Variants in SGK1 observed in about 807,000 individuals in gnomAD.
SGK1 encodes the protein serum/glucocorticoid regulated kinase 1, also known as serine/threonine-protein kinase Sgk1.
A neutral mutation model predicts 64.2 loss-of-function variants in SGK1; 26 were observed. That is an observed-to-expected ratio of 0.40 (90% CI 0.30 to 0.56). The LOEUF is 0.56. Among genes scored for constraint, SGK1 ranks in the 20% least tolerant of loss-of-function variants. The pLI is 0.38. For missense variants in SGK1, 519 were observed against 645.6 expected, an observed-to-expected ratio of 0.80 and a Z score of 2.12; for synonymous variants, 265 against 239.7, an observed-to-expected ratio of 1.11 and a Z score of -0.98.
intron 1 of SGK1, among the ~76,000 whole-genome samples, chr6:134,270,038 C>T (rs1454719306): frequency 6.8e-6 from 1 of 147,748 alleles, no homozygotes; most frequent in Non-Finnish European, 1.5e-5. Flanking sequence ...TCTCCTGCTT[C>T]AGCCTCCCGA....
Position 134,171,164 on chromosome 6 carries a change from G to C in SGK1, c.1182C>G (p.Ser394Arg). ...EMLYGLPPFY[S>R]RNTAEMYDNI... Reference sequence around the variant, plus strand: ...TGTCGTACATTTCAGCTGTGTTTCGGCTATAAAAAGGCGGCTGAAAGAAGG... The same window carrying C: ...TGTCGTACATTTCAGCTGTGTTTCGCCTATAAAAAGGCGGCTGAAAGAAGG... Residue 394 changes from serine to arginine, a missense_variant, in exon 12 of 14, where the codon AGC becomes AGG. Coordinates refer to ENST00000367858, the MANE Select transcript of SGK1 (RefSeq NM_001143676.3). The C allele has an allele frequency of 6.2e-7, 1 of 1,614,042 alleles. No individual in the cohort carries two copies. Among genetic ancestry groups the C allele is most frequent in the South Asian group, 1.1e-5 (1 of 91,060 alleles).
chr6:134,211,164 T>C (rs1775883504), intron 2 of SGK1, among the ~76,000 whole-genome samples: 1 of 152,084 alleles, frequency 6.6e-6, no homozygotes, highest in Admixed American at 6.6e-5. Context: ...TCTCATGTTA[T>C]GTGTTCTTTC....
chr6:134,266,831 C>T (rs1776861812), intron 1 of SGK1, among the ~76,000 whole-genome samples: 1 of 152,088 alleles, frequency 6.6e-6, no homozygotes, highest in Non-Finnish European at 1.5e-5. Context: ...TGTTTTTGAT[C>T]AGTCTAAAAA....
In SGK1 at chr6:134,265,503, CACATATATATTTTATATAT is replaced by C. The variant is rs1387767245; in HGVS notation, c.70-3374_70-3356del. On this transcript the variant is annotated intron_variant, in intron 1 of 13. Transcript: ENST00000367858. ...AACAAACAAAAAAAATATATATATA[CACATATATATTTTATATAT>C]ACATATATATTTTATATACACATAT... 3.8e-4 allele frequency among the ~76,000 whole-genome samples: 55 copies of C among 145,988 alleles called. No individual in the cohort carries two copies. The East Asian group carries it at 8.8e-3, about 23-fold the overall frequency.
chr6:134,252,599 A>T (rs981110897), intron 2 of SGK1, among the ~76,000 whole-genome samples: 1 of 122,068 alleles, frequency 8.2e-6, no homozygotes, highest in Middle Eastern at 4.6e-3. Flanking sequence ...CCTGGGCAAC[A>T]GAGTGAGATT....
chr6:134,185,983 G>C (rs1340015203), intron 3 of SGK1, among the ~76,000 whole-genome samples: 1 of 152,042 alleles, frequency 6.6e-6, no homozygotes, highest in Non-Finnish European at 1.5e-5. Flanking sequence ...CGCATTAGTG[G>C]GGGCGGGTCT....
At chr6:134,310,036 C>T (rs943736849) in intron 1 of SGK1, among the ~76,000 whole-genome samples, 3 of 152,112 alleles carry the variant, frequency 2.0e-5, no homozygotes, top group Non-Finnish European at 4.4e-5. Context: ...CTTTCATATT[C>T]GGAAATCTCC....
At chr6:134,197,830 G>GAATAAAATAA (rs199753470) in intron 3 of SGK1, among the ~76,000 whole-genome samples, 2 of 128,722 alleles carry the variant, frequency 1.6e-5, no homozygotes, top group African/African-American at 3.0e-5. Flanking sequence ...CCATCTCAAA[G>GAATAAAATAA]AATAAAATAA....
intron 1 of SGK1, among the ~76,000 whole-genome samples, chr6:134,314,442 C>T (rs1381985188): frequency 6.6e-6 from 1 of 152,164 alleles, no homozygotes; most frequent in Non-Finnish European, 1.5e-5. Flanking sequence ...ATTACGTATA[C>T]AAGCTTTGAG....
At chr6:134,210,328 G>A (rs770647594) in intron 2 of SGK1, among the ~76,000 whole-genome samples, 29 of 152,144 alleles carry the variant, frequency 1.9e-4, no homozygotes, top group Non-Finnish European at 4.1e-4. Flanking sequence ...GCACGATTCC[G>A]CTTACATAAG....
At chr6:134,181,302 G>C (rs987015999) in intron 3 of SGK1, among the ~76,000 whole-genome samples, 1 of 152,152 alleles carries the variant, frequency 6.6e-6, no homozygotes, top group African/African-American at 2.4e-5. Context: ...GATTTGCTCA[G>C]TATAAATCTC....
chr6:134,262,316 C>A (rs142436971), intron 1 of SGK1, among the ~76,000 whole-genome samples, 168 bp from the exon 2 acceptor site: 188 of 152,332 alleles, frequency 1.2e-3, no homozygotes, highest in African/African-American at 4.3e-3. Context: ...CAATGCTGTT[C>A]AGTCTCTTTC....
Position 134,283,448 on chromosome 6 carries a change from G to A in SGK1, c.70-21300C>T, listed in dbSNP as rs540692815. ...GGAGGTTGCAGTGAGCGAAGATCAC[G>A]CCACTGGACTGCAGCCTCAGTGGCA... is the stretch of plus-strand genomic sequence containing the variant. On this transcript the variant is annotated intron_variant, in intron 1 of 13. Transcript: ENST00000367858. 9.0e-4 allele frequency among the ~76,000 whole-genome samples: 136 copies of A among 151,952 alleles called. 1 individual carries two copies. The highest frequency in any genetic ancestry group is 2.9e-3 in the African/African-American group (122 of 41,432).
chr6:134,300,555 G>A (rs200842641), intron 1 of SGK1, among the ~76,000 whole-genome samples: 2,841 of 131,756 alleles, frequency 0.022, 57 homozygotes, highest in East Asian at 0.078. Context: ...AAAAAAAAAA[G>A]AAAGAAAGAT....
At chr6:134,306,608 C>A (rs1777538888) in intron 1 of SGK1, among the ~76,000 whole-genome samples, 1 of 151,916 alleles carries the variant, frequency 6.6e-6, no homozygotes, top group Admixed American at 6.6e-5. Flanking sequence ...ACTGCAACCT[C>A]CACCTTCTGG....
intron 1 of SGK1, among the ~76,000 whole-genome samples, chr6:134,281,549 A>T (rs1366015753): frequency 6.7e-6 from 1 of 149,500 alleles, no homozygotes; most frequent in Non-Finnish European, 1.5e-5. Context: ...ACAGATTCTC[A>T]GTCGGTCTCC....
chr6:134,257,262 G>C (rs1006689366), intron 2 of SGK1: 2 of 152,400 alleles, frequency 1.3e-5, no homozygotes, highest in South Asian at 2.1e-4. Flanking sequence ...CCCTGTCCAG[G>C]CATGGTGGCG....
At chr6:134,215,424 G>A (rs1260564696) in intron 2 of SGK1, among the ~76,000 whole-genome samples, 1 of 151,790 alleles carries the variant, frequency 6.6e-6, no homozygotes, top group African/African-American at 2.4e-5. Flanking sequence ...CCGAGAGTAA[G>A]TTATTAATAG....
intron 2 of SGK1, among the ~76,000 whole-genome samples, chr6:134,255,771 G>A (rs1431257476): frequency 6.6e-6 from 1 of 151,652 alleles, no homozygotes; most frequent in Non-Finnish European, 1.5e-5. Context: ...TTTTAGTAGA[G>A]ACAGGGTTTC....
Sources: gnomAD v4.1 joint callset for allele counts (sites outside exome capture counted in the v4.1 genomes callset) on GRCh38, gnomAD v4.1.1 for gene constraint, MANE v1.5 for transcripts, NCBI Gene and HGNC (gene_info 2026-07-23, HGNC 2026-07-21) for gene names.